Variants in P2RY12 observed in about 807,000 individuals in gnomAD.
The protein encoded by P2RY12 is purinergic receptor P2Y12, also known as P2Y purinoceptor 12.
P2RY12 carries 3 observed loss-of-function variants against 4.5 expected under a neutral mutation model. The observed-to-expected ratio is 0.67, with a 90% CI of 0.31 to 1.74. The LOEUF is 1.74. Among genes scored for constraint, P2RY12 ranks in the 40% most tolerant of loss-of-function variants. The pLI is 0.09. For missense variants in P2RY12, 356 were observed against 407.8 expected (o/e 0.87, Z 1.09); for synonymous variants, 148 against 154.1 (o/e 0.96, Z 0.29).
rs114576613 is a variant in P2RY12 at position 151,356,630 on chromosome 3, T to G, written c.-179-15870A>C. Among the ~76,000 whole-genome samples the G allele has an allele frequency of 7.8e-3, 1,184 of 152,190 alleles. 13 individuals carry two copies. Among genetic ancestry groups the G allele is most frequent in the African/African-American group, 0.026 (1,092 of 41,544 alleles). On this transcript the variant is annotated intron_variant, in intron 1 of 2. Coordinates refer to ENST00000302632, the MANE Select transcript of P2RY12 (RefSeq NM_022788.5). ...GTTTTGAGTGTTTCTTCTGTTTTTT[T>G]TTGTTGTTGTTGTTGTTTTTCTTTT...
At chr3:151,350,752 G>T (rs1040660529) in intron 1 of P2RY12, among the ~76,000 whole-genome samples, 8 of 152,144 alleles carry the variant, frequency 5.3e-5, no homozygotes, top group Non-Finnish European at 1.0e-4. Flanking sequence ...TCAAATAAAA[G>T]AATTTGATCT....
intron 1 of P2RY12, among the ~76,000 whole-genome samples, chr3:151,355,520 T>C (rs1378382123): frequency 6.6e-6 from 1 of 152,222 alleles, no homozygotes; most frequent in Non-Finnish European, 1.5e-5. Flanking sequence ...TGGTCCTATA[T>C]TGCAATTGAT....
Position 151,338,251 on chromosome 3 carries a change from A to C in P2RY12, c.595T>G (p.Trp199Gly). Reference protein sequence around the residue: ...IVNYICQVIFWINFLIVIVCY... With the variant: ...IVNYICQVIFGINFLIVIVCY... ...ACAATAACAATTAAGAAATTAATCCAGAAAATGACTTGACAGATGTAATTT... is the reference window on the plus strand; with the variant it reads ...ACAATAACAATTAAGAAATTAATCCCGAAAATGACTTGACAGATGTAATTT... Residue 199 changes from tryptophan (W) to glycine (G), a missense_variant, in exon 3 of 3, where the codon TGG (tryptophan) becomes GGG (glycine). Trp to Gly is a radical substitution (Grantham distance 184, BLOSUM62 -2). Transcript: ENST00000302632. 1 of 1,614,112 alleles carries C rather than the reference A, an allele frequency of 6.2e-7. No individual in the cohort carries two copies. The highest frequency in any genetic ancestry group is 1.1e-5 in the South Asian group (1 of 91,088).
chr3:151,360,203 T>A (rs1754441162), intron 1 of P2RY12, among the ~76,000 whole-genome samples: 1 of 152,180 alleles, frequency 6.6e-6, no homozygotes, highest in Non-Finnish European at 1.5e-5. Context: ...GGTGGATTCC[T>A]CCATACGTAC....
At chr3:151,376,605 T>C (rs1756881487) in intron 1 of P2RY12, among the ~76,000 whole-genome samples, 1 of 152,198 alleles carries the variant, frequency 6.6e-6, no homozygotes, top group African/African-American at 2.4e-5. Flanking sequence ...TAATTAATAA[T>C]TAATGTTTCT....
At chr3:151,339,189 T>C (rs558906164) in intron 2 of P2RY12, among the ~76,000 whole-genome samples, 6 of 152,256 alleles carry the variant, frequency 3.9e-5, no homozygotes, top group Non-Finnish European at 5.9e-5. Context: ...AGAGAAATAA[T>C]GGGGCTGTGC....
intron 1 of P2RY12, among the ~76,000 whole-genome samples, chr3:151,379,292 C>A (rs1377503990): frequency 1.3e-5 from 2 of 152,196 alleles, no homozygotes; most frequent in African/African-American, 4.8e-5. Context: ...GATCGCTCTT[C>A]CCACATCAGG....
At chr3:151,355,345 T>C (rs1753777526) in intron 1 of P2RY12, 4 of 679,682 alleles carry the variant, frequency 5.9e-6, no homozygotes, top group Middle Eastern at 3.0e-4. Context: ...AGACATATAT[T>C]TTATAAACAT....
At chr3:151,377,941 A>C in intron 1 of P2RY12, 1 of 1,411,180 alleles carries the variant, frequency 7.1e-7, no homozygotes, top group South Asian at 1.6e-5. Context: ...TTCGCTTTGG[A>C]GTTTCTGTTA....
chr3:151,341,545 C>A (rs1266452935), intron 1 of P2RY12, among the ~76,000 whole-genome samples: 1 of 146,822 alleles, frequency 6.8e-6, no homozygotes, highest in African/African-American at 2.5e-5. Flanking sequence ...GATTGAAGGG[C>A]AAAGTGTTTT....
intron 1 of P2RY12, among the ~76,000 whole-genome samples, chr3:151,353,784 T>C (rs1753543042): frequency 6.6e-6 from 1 of 152,212 alleles, no homozygotes; most frequent in African/African-American, 2.4e-5. Flanking sequence ...GAAATTAAAC[T>C]TTCCTAAAGA....
At position 151,337,809 on chromosome 3, in the gene P2RY12, T is replaced by C; in HGVS notation, c.*8A>G. 6.2e-7 allele frequency: 1 copy of C among 1,612,990 alleles called. No homozygotes were observed. Among genetic ancestry groups the C allele is most frequent in the Non-Finnish European group, 8.5e-7 (1 of 1,179,156 alleles). ...AAAGAGATTGAAATATTTCCTTAGT[T>C]AATTTGTTTACATTGGAGTCTCTTC... On this transcript the variant is annotated 3_prime_UTR_variant, in exon 3 of 3. Transcript: ENST00000302632.
At chr3:151,353,188 T>G (rs1157300840) in intron 1 of P2RY12, among the ~76,000 whole-genome samples, 1 of 152,204 alleles carries the variant, frequency 6.6e-6, no homozygotes, top group South Asian at 2.1e-4. Context: ...CTGTTGTTAT[T>G]ATTTGTTTTG....
At chr3:151,380,459 T>G (rs1377059512) in intron 1 of P2RY12, among the ~76,000 whole-genome samples, 1 of 152,038 alleles carries the variant, frequency 6.6e-6, no homozygotes, top group Non-Finnish European at 1.5e-5. Flanking sequence ...TAGCCGGGCA[T>G]GATGGTGTGC....
rs550362286 is a variant in P2RY12, at chr3:151,379,252, C to A, written c.-180+5440G>T. Among the ~76,000 whole-genome samples, 3 of 152,308 alleles carry A rather than the reference C, an allele frequency of 2.0e-5. No homozygotes were observed. In the South Asian group the frequency reaches 6.2e-4, roughly 32 times the overall value. On this transcript the variant is annotated intron_variant, in intron 1 of 2. Coordinates refer to ENST00000302632, the MANE Select transcript of P2RY12 (RefSeq NM_022788.5). ...TGTGCATTGCCTAACTTCCCATAGG[C>A]AGGACAGATGGTATTGAAGAGACTT...
At chr3:151,347,343 A>G (rs1752664472) in intron 1 of P2RY12, among the ~76,000 whole-genome samples, 1 of 152,212 alleles carries the variant, frequency 6.6e-6, no homozygotes, top group South Asian at 2.1e-4. Flanking sequence ...ATGCTAATTC[A>G]TTGCCTATTA....
At chr3:151,345,137 G>T (rs1752367916) in intron 1 of P2RY12, among the ~76,000 whole-genome samples, 1 of 152,170 alleles carries the variant, frequency 6.6e-6, no homozygotes, top group Admixed American at 6.5e-5. Flanking sequence ...TCTGGAGAAA[G>T]AAAGTAATTG....
At chr3:151,375,812 G>A (rs1756779650) in intron 1 of P2RY12, among the ~76,000 whole-genome samples, 1 of 151,856 alleles carries the variant, frequency 6.6e-6, no homozygotes, top group African/African-American at 2.4e-5. Flanking sequence ...ATTAAAAAAT[G>A]TTTTTAAGCA....
rs149031117 is a variant in P2RY12, at chr3:151,377,795, A to G, written c.-180+6897T>C. Among the ~76,000 whole-genome samples, 242 of 152,350 alleles carry G rather than the reference A, an allele frequency of 1.6e-3. 4 individuals are homozygous for G. The East Asian group carries it at 0.04, about 25-fold the overall frequency. ...GTCAGTTTAGTTACAATATCCTTCC[A>G]GAACTGCATGTTTTATTGCTTTCTG... On this transcript the variant is annotated intron_variant, in intron 1 of 2. Coordinates refer to ENST00000302632, the MANE Select transcript of P2RY12 (RefSeq NM_022788.5).
Sources: allele counts gnomAD v4.1 joint callset (sites outside exome capture counted in the v4.1 genomes callset), GRCh38; gene constraint gnomAD v4.1.1; transcripts MANE v1.5; gene names NCBI Gene and HGNC (gene_info 2026-07-23, HGNC 2026-07-21).